Variants in LRRC28 observed in about 807,000 individuals in gnomAD.
The protein encoded by LRRC28 is leucine-rich repeat-containing protein 28.
In LRRC28, 39 loss-of-function variants were observed where a neutral mutation model predicts 45.7. The observed-to-expected ratio is 0.85, with a 90% CI of 0.66 to 1.12. The LOEUF (loss-of-function observed/expected upper bound fraction) is 1.12, where lower values mean the gene tolerates loss of function less well. Among genes scored for constraint, LRRC28 ranks in the 50% most tolerant of loss-of-function variants. The probability of loss-of-function intolerance (pLI) is 0.00; values close to 1 mark genes in which losing one functional copy is unlikely to be tolerated. For synonymous variants in LRRC28, 206 were observed against 178.8 expected, an observed-to-expected ratio of 1.15 and a Z score of -1.22; for missense variants, 435 against 438.5, an observed-to-expected ratio of 0.99 and a Z score of 0.07.
intron 6 of LRRC28, among the ~76,000 whole-genome samples, chr15:99,342,404 T>C (rs989411023): frequency 3.3e-5 from 5 of 152,178 alleles, no homozygotes; most frequent in Admixed American, 3.3e-4. Flanking sequence ...CGCCTTTCAA[T>C]CCCAGCTCTA....
intron 6 of LRRC28, among the ~76,000 whole-genome samples, chr15:99,347,340 G>A (rs1032773649): frequency 6.6e-6 from 1 of 152,018 alleles, no homozygotes; most frequent in African/African-American, 2.4e-5. Flanking sequence ...CTCCCGAGTA[G>A]CTGGGACTAC....
intron 2 of LRRC28, among the ~76,000 whole-genome samples, chr15:99,257,172 C>T (rs550076102): frequency 1.3e-5 from 2 of 152,106 alleles, no homozygotes; most frequent in Non-Finnish European, 2.9e-5. Context: ...TAAATAGATA[C>T]GTATGTCTTG....
intron 5 of LRRC28, among the ~76,000 whole-genome samples, chr15:99,304,737 G>A (rs1003606027): frequency 1.3e-5 from 2 of 152,022 alleles, no homozygotes; most frequent in African/African-American, 2.4e-5. Context: ...ATGAGCCACC[G>A]TGCCCAGCCT....
At chr15:99,338,719 A>T (rs910230366) in intron 6 of LRRC28, among the ~76,000 whole-genome samples, 2 of 152,218 alleles carry the variant, frequency 1.3e-5, no homozygotes, top group Non-Finnish European at 2.9e-5. Context: ...GAAATGTAAG[A>T]TTATAGCCTC....
At chr15:99,361,844 G>A (rs945984285) in intron 8 of LRRC28, among the ~76,000 whole-genome samples, 1 of 152,248 alleles carries the variant, frequency 6.6e-6, no homozygotes. Context: ...CAAGTTTCAA[G>A]TAAGGAACTT....
At chr15:99,351,033 C>G (rs1956860728) in intron 6 of LRRC28, among the ~76,000 whole-genome samples, 1 of 152,150 alleles carries the variant, frequency 6.6e-6, no homozygotes, top group South Asian at 2.1e-4. Flanking sequence ...CTCGTGGGCT[C>G]TAGCAATCCG....
intron 2 of LRRC28, chr15:99,258,424 C>G: frequency 1.1e-6 from 1 of 916,080 alleles, no homozygotes; most frequent in South Asian, 1.3e-5. Flanking sequence ...AAAATCTCAT[C>G]AAAAATATTC....
chr15:99,357,622 G>A (rs936615032), intron 7 of LRRC28, among the ~76,000 whole-genome samples: 4 of 152,262 alleles, frequency 2.6e-5, no homozygotes, highest in African/African-American at 7.2e-5. Flanking sequence ...CTTGACCTTG[G>A]TGGTGATTAG....
At chr15:99,252,778 C>A (rs1567593249) in intron 1 of LRRC28, among the ~76,000 whole-genome samples, 1 of 152,298 alleles carries the variant, frequency 6.6e-6, no homozygotes, top group Admixed American at 6.5e-5. Context: ...AATTTTAAGT[C>A]CCTGGATACA....
intron 5 of LRRC28, among the ~76,000 whole-genome samples, chr15:99,289,758 C>T (rs994425527): frequency 6.8e-6 from 1 of 147,764 alleles, no homozygotes; most frequent in Non-Finnish European, 1.5e-5. Context: ...AAGGTGAAAC[C>T]CCGTCTCTAC....
chr15:99,311,899 G>C (rs1028065154), intron 5 of LRRC28, among the ~76,000 whole-genome samples: 5 of 152,016 alleles, frequency 3.3e-5, no homozygotes, highest in Non-Finnish European at 5.9e-5. Context: ...AGCCATAGTC[G>C]TAACAGTGAG....
At chr15:99,276,102 A>G (rs2081610570) in intron 2 of LRRC28, among the ~76,000 whole-genome samples, 1 of 151,834 alleles carries the variant, frequency 6.6e-6, no homozygotes, top group Admixed American at 6.6e-5. Flanking sequence ...CTAGTGCCTG[A>G]CGATCTGTCA....
In LRRC28 at chr15:99,287,918, T is replaced by C. The variant is rs182918752; in HGVS notation, c.352T>C (p.Leu118=). ...TCTGAGAGCTTTACGTCATCTTCGATTAGCTAATAACCAACTGCAATTCCT... is the reference window on the plus strand; with the variant it reads ...TCTGAGAGCTTTACGTCATCTTCGACTAGCTAATAACCAACTGCAATTCCT... ...GRLRALRHLR[L]ANNQLQFLPP... Residue 118 remains leucine (L), a synonymous_variant, in exon 5 of 10, where the codon TTA becomes CTA. Coordinates refer to ENST00000301981, the MANE Select transcript of LRRC28 (RefSeq NM_144598.5). The C allele has an allele frequency of 4.8e-5, 77 of 1,613,838 alleles. No individual in the cohort carries two copies. In the African/African-American group the frequency reaches 9.2e-4, roughly 19 times the overall value.
At chr15:99,314,804 G>T (rs1510058) in intron 5 of LRRC28, among the ~76,000 whole-genome samples, 16,139 of 152,132 alleles carry the variant, frequency 0.11, 1,229 homozygotes, top group East Asian at 0.33. Flanking sequence ...TCATTTTAGC[G>T]AATTATTCTT....
chr15:99,349,035 A>G (rs1018746843), intron 6 of LRRC28, among the ~76,000 whole-genome samples: 5 of 152,114 alleles, frequency 3.3e-5, no homozygotes, highest in African/African-American at 1.2e-4. Flanking sequence ...AAAAAATACT[A>G]TCATAAATGG....
intron 6 of LRRC28, among the ~76,000 whole-genome samples, chr15:99,336,423 G>T (rs936237010): frequency 3.3e-5 from 5 of 152,118 alleles, no homozygotes; most frequent in African/African-American, 1.2e-4. Flanking sequence ...TTTCAGACAT[G>T]GTCTCTCTAC....
At position 99,390,640 on chromosome 15, in the gene LRRC28, T is replaced by G. The variant is rs534347247; in HGVS notation, c.*4538T>G. ...GTTGCCTCTCTCAGTTACTGCAGTTTATAGAATAATTGAGCTTGAACCATG... is the reference window on the plus strand; with the variant it reads ...GTTGCCTCTCTCAGTTACTGCAGTTGATAGAATAATTGAGCTTGAACCATG... On this transcript the variant is annotated 3_prime_UTR_variant, in exon 10 of 10. Coordinates refer to ENST00000301981, the MANE Select transcript of LRRC28 (RefSeq NM_144598.5). The G allele has an allele frequency of 5.3e-5, 8 of 152,372 alleles. No homozygotes were observed. The highest frequency in any genetic ancestry group is 1.9e-4 in the African/African-American group (8 of 41,596). 9.4% of individuals were successfully genotyped at this position (152,372 alleles called of 1,614,324 possible).
chr15:99,374,013 G>T (rs1286906296), intron 9 of LRRC28, among the ~76,000 whole-genome samples: 3 of 152,098 alleles, frequency 2.0e-5, no homozygotes, highest in African/African-American at 7.2e-5. Flanking sequence ...ATTATGGTAG[G>T]CCTTAATATC....
At chr15:99,373,529 A>C (rs1510059) in intron 9 of LRRC28, among the ~76,000 whole-genome samples, 23,985 of 152,184 alleles carry the variant, frequency 0.16, 1,939 homozygotes, top group African/African-American at 0.18. Context: ...TATTACTAAC[A>C]ATGCAATTAT....
Sources: gnomAD v4.1 joint callset for allele counts (sites outside exome capture counted in the v4.1 genomes callset) on GRCh38, gnomAD v4.1.1 for gene constraint, MANE v1.5 for transcripts, NCBI Gene and HGNC (gene_info 2026-07-23, HGNC 2026-07-21) for gene names.